Variants in DUSP23 observed in about 807,000 individuals in gnomAD.
The protein encoded by DUSP23 is dual specificity phosphatase 23.
In DUSP23, 10 loss-of-function variants were observed where a neutral mutation model predicts 13.3. That is an observed-to-expected ratio of 0.75 (90% CI 0.46 to 1.27). DUSP23 has a LOEUF of 1.27. Ranked by LOEUF, DUSP23 falls within the 50% of genes most tolerant of loss-of-function variation. The pLI is 0.00. For missense variants in DUSP23, 228 were observed against 204.8 expected (o/e 1.11, Z -0.69); for synonymous variants, 107 against 95.3 (o/e 1.12, Z -0.72).
rs1661845598 is a variant in DUSP23 at position 159,781,015 on chromosome 1, T to A, written c.-86T>A. ...CCAGGTAGGTGGTGAGTTACTTGGCTCGGAGCGGGCGAGGGGACGCGTGGG... is the reference window on the plus strand; with the variant it reads ...CCAGGTAGGTGGTGAGTTACTTGGCACGGAGCGGGCGAGGGGACGCGTGGG... On this transcript the variant is annotated 5_prime_UTR_variant, in exon 1 of 2. Transcript: ENST00000368107. 7.0e-7 allele frequency: 1 copy of A among 1,438,328 alleles called. No individual in the cohort carries two copies. Among genetic ancestry groups the A allele is most frequent in the African/African-American group, 1.5e-5 (1 of 68,034 alleles). The allele number at this position is 1,438,328 out of a possible 1,614,324, so 89.1% of individuals were successfully genotyped here.
At position 159,782,127 on chromosome 1, in the gene DUSP23, G is replaced by A. The variant is rs772476307; in HGVS notation, c.268-26G>A. On this transcript the variant is annotated intron_variant, in intron 1 of 1. Transcript: ENST00000368107. ...CAGTTGTGGGTGGGGGAGTTGAGTG[G>A]CACCCATCGAGCCCCCTCTTCGTAG... 3 of 1,610,012 alleles carry A rather than the reference G, an allele frequency of 1.9e-6. No individual in the cohort carries two copies. In the South Asian group the frequency reaches 3.3e-5, roughly 18 times the overall value.
At position 159,781,063 on chromosome 1, in the gene DUSP23, G is replaced by A; in HGVS notation, c.-38G>A. 1 of 1,511,464 alleles carries A rather than the reference G, an allele frequency of 6.6e-7. No homozygotes were observed. 93.6% of individuals were successfully genotyped at this position (1,511,464 alleles called of 1,614,324 possible). A position where few individuals can be genotyped will look rare whatever the true frequency, so the allele number is the denominator to read the frequency against. On this transcript the variant is annotated 5_prime_UTR_variant, in exon 1 of 2. Coordinates refer to ENST00000368107, the MANE Select transcript of DUSP23 (RefSeq NM_001319658.2). ...GGGCGGAGCGGGGCTGGCCAGCCTC[G>A]GCCCCCATGACCCGCTGTCCTGTGC...
Position 159,782,160 on chromosome 1 carries a change from G to A in DUSP23, c.275G>A (p.Gly92Glu), listed in dbSNP as rs998327504. ...CGAGCCCCCTCTTCGTAGGCTGTGG[G>A]AGTGCACTGTGCTCTGGGCTTTGGC... is the stretch of plus-strand genomic sequence containing the variant. ...DEANARGEAV[G>E]VHCALGFGRT... The change falls in exon 2 of 2, where the codon GGA becomes GAA. Residue 92 changes from glycine to glutamate, a missense_variant. Physicochemically the swap from Gly to Glu is moderately conservative, Grantham distance 98 (BLOSUM62 -2). Coordinates refer to ENST00000368107, the MANE Select transcript of DUSP23 (RefSeq NM_001319658.2). 1 of 1,614,106 alleles carries A rather than the reference G, an allele frequency of 6.2e-7. No homozygotes were observed. The highest frequency in any genetic ancestry group is 1.7e-5 in the Admixed American group (1 of 60,030).
chr1:159,781,314 G>A lies in DUSP23; in HGVS notation c.214G>A (p.Asp72Asn), dbSNP rs148687167. Residue 72 changes from aspartate (D) to asparagine (N), a missense_variant, in exon 1 of 2, where the codon GAC (aspartate) becomes AAC (asparagine). Transcript: ENST00000368107. ...CCCCGACTTCTGCCCGCCGGCCCCC[G>A]ACCAGATCGACCGCTTCGTGCAGAT... ...RIPDFCPPAPDQIDRFVQIVD... is the reference protein window; with the variant it reads ...RIPDFCPPAPNQIDRFVQIVD... The A allele has an allele frequency of 1.0e-3, 1,619 of 1,545,364 alleles. 17 individuals are homozygous for A. In the African/African-American group the frequency reaches 0.018, roughly 17 times the overall value.
At position 159,782,482 on chromosome 1, in the gene DUSP23, A is replaced by G; in HGVS notation, c.*144A>G. 2.1e-6 allele frequency: 2 copies of G among 973,400 alleles called. No individual in the cohort carries two copies. The highest frequency in any genetic ancestry group is 2.4e-4 in the Middle Eastern group (1 of 4,106). The allele number at this position is 973,400 out of a possible 1,614,324, so 60.3% of individuals were successfully genotyped here. ...ACTGAAGTAGCCCACCCCTGCAGGC[A>G]GGTCCTGATTGAAGGGGAGGCTTGT... On this transcript the variant is annotated 3_prime_UTR_variant, in exon 2 of 2. Transcript: ENST00000368107.
chr1:159,781,580 A>G (rs1032387714), intron 1 of DUSP23, among the ~76,000 whole-genome samples: 4 of 152,146 alleles, frequency 2.6e-5, no homozygotes, highest in Non-Finnish European at 5.9e-5. Context: ...GCTTGAGGAG[A>G]GGCAGTGAAA....
chr1:159,781,369 T>G lies in DUSP23; in HGVS notation c.267+2T>G. The G allele has an allele frequency of 6.7e-7, 1 of 1,502,420 alleles. No homozygotes were observed. The highest frequency in any genetic ancestry group is 8.9e-7 in the Non-Finnish European group (1 of 1,121,182). The allele number at this position is 1,502,420 out of a possible 1,614,324, so 93.1% of individuals were successfully genotyped here. ...GACGAGGCCAACGCACGGGGAGAGG[T>G]CAGCGGGCGGGGTCAGCGCAGGGAG... On this transcript the variant is annotated splice_donor_variant, in intron 1 of 1. Coordinates refer to ENST00000368107, the MANE Select transcript of DUSP23 (RefSeq NM_001319658.2). LOFTEE classifies it high-confidence loss of function.
Position 159,781,277 on chromosome 1 carries a change from C to T in DUSP23, c.177C>T (p.His59=), listed in dbSNP as rs1176184616. ...ACAGCTGCCCCGGCCTCACCCTGCA[C>T]CGCCTGCGCATCCCCGACTTCTGCC... ...HSDSCPGLTL[H]RLRIPDFCPP... The change falls in exon 1 of 2, where the codon CAC becomes CAT. Residue 59 remains histidine (H), a synonymous_variant. Transcript: ENST00000368107. The T allele has an allele frequency of 6.5e-7, 1 of 1,547,996 alleles. No homozygotes were observed. The highest frequency in any genetic ancestry group is 2.5e-5 in the East Asian group (1 of 40,806).
Position 159,782,389 on chromosome 1 carries a change from C to A in DUSP23, c.*51C>A. 6.3e-7 allele frequency: 1 copy of A among 1,590,346 alleles called. No individual in the cohort carries two copies. The highest frequency in any genetic ancestry group is 8.6e-7 in the Non-Finnish European group (1 of 1,163,190). Reference sequence around the variant, plus strand: ...CCCTCACTCCCCTTCCCCATGTTGTCGATGGGGCCAGAGATGAAGGGAAGT... The same window carrying A: ...CCCTCACTCCCCTTCCCCATGTTGTAGATGGGGCCAGAGATGAAGGGAAGT... On this transcript the variant is annotated 3_prime_UTR_variant, in exon 2 of 2. Transcript: ENST00000368107.
At chr1:159,782,125 T>C (rs1287886099) in intron 1 of DUSP23, 28 bp from the exon 2 acceptor site, 2 of 1,609,380 alleles carry the variant, frequency 1.2e-6, no homozygotes, top group Non-Finnish European at 1.7e-6. Context: ...GGGAGTTGAG[T>C]GGCACCCATC....
intron 1 of DUSP23, among the ~76,000 whole-genome samples, 192 bp from the exon 2 acceptor site, chr1:159,781,961 A>C (rs747690281): frequency 2.7e-4 from 41 of 152,068 alleles, no homozygotes; most frequent in Non-Finnish European, 4.9e-4. Context: ...GGCTGTGTAG[A>C]GGTGGACAGC....
In DUSP23 at chr1:159,781,104, G is replaced by C; in HGVS notation, c.4G>C (p.Gly2Arg). 1 of 1,543,888 alleles carries C rather than the reference G, an allele frequency of 6.5e-7. No homozygotes were observed. The highest frequency in any genetic ancestry group is 8.7e-7 in the Non-Finnish European group (1 of 1,146,184). Residue 2 changes from glycine (G) to arginine (R), a missense_variant, in exon 1 of 2, where the codon GGC becomes CGC. Gly to Arg is a moderately radical substitution (Grantham distance 125). Coordinates refer to ENST00000368107, the MANE Select transcript of DUSP23 (RefSeq NM_001319658.2). ...TGTCCTGTGCCCTTTCCCAGCGATG[G>C]GCGTGCAGCCCCCCAACTTCTCCTG... Reference protein sequence around the residue: MGVQPPNFSWVL... With the variant: MRVQPPNFSWVL...
chr1:159,781,488 G>A, intron 1 of DUSP23, 121 bp downstream of exon 1: 2 of 1,308,210 alleles, frequency 1.5e-6, no homozygotes, highest in South Asian at 3.2e-5. Context: ...AGACAGTAGG[G>A]CCGGGAGACT....
At chr1:159,781,507 A>G in intron 1 of DUSP23, 140 bp downstream of exon 1, 3 of 1,178,650 alleles carry the variant, frequency 2.5e-6, no homozygotes, top group Non-Finnish European at 3.4e-6. Context: ...CTGGGAAGCC[A>G]GTGCGGGGGA....
chr1:159,782,186 C>T lies in DUSP23; in HGVS notation c.301C>T (p.Arg101Cys), dbSNP rs192795373. ...VGVHCALGFG[R>C]TGTMLACYLV... Reference sequence around the variant, plus strand: ...AGTGCACTGTGCTCTGGGCTTTGGCCGCACTGGCACCATGCTGGCCTGTTA... The same window carrying T: ...AGTGCACTGTGCTCTGGGCTTTGGCTGCACTGGCACCATGCTGGCCTGTTA... The change falls in exon 2 of 2, where the codon CGC becomes TGC. Residue 101 changes from arginine (R) to cysteine (C), a missense_variant. Arg to Cys is a radical substitution (Grantham distance 180). Coordinates refer to ENST00000368107, the MANE Select transcript of DUSP23 (RefSeq NM_001319658.2). 11 of 1,614,178 alleles carry T rather than the reference C, an allele frequency of 6.8e-6. No individual in the cohort carries two copies. In the African/African-American group the frequency reaches 9.3e-5, roughly 14 times the overall value.
At chr1:159,781,401 G>T (rs1222200157) in intron 1 of DUSP23, 34 bp downstream of exon 1, 39 of 1,460,882 alleles carry the variant, frequency 2.7e-5, no homozygotes, top group Non-Finnish European at 3.5e-5. Context: ...GGAGGGAGGG[G>T]CCTGGAAGGT....
Position 159,781,034 on chromosome 1 carries a change from G to C in DUSP23, c.-67G>C. ...CTTGGCTCGGAGCGGGCGAGGGGAC[G>C]CGTGGGCGGAGCGGGGCTGGCCAGC... On this transcript the variant is annotated 5_prime_UTR_variant, in exon 1 of 2. Transcript: ENST00000368107. The C allele has an allele frequency of 6.8e-7, 1 of 1,465,822 alleles. No homozygotes were observed. Among genetic ancestry groups the C allele is most frequent in the South Asian group, 1.3e-5 (1 of 75,530 alleles). The allele number at this position is 1,465,822 out of a possible 1,614,324, so 90.8% of individuals were successfully genotyped here.
In DUSP23 at chr1:159,781,058, G is replaced by A. The variant is rs760015426; in HGVS notation, c.-43G>A. On this transcript the variant is annotated 5_prime_UTR_variant, in exon 1 of 2. Coordinates refer to ENST00000368107, the MANE Select transcript of DUSP23 (RefSeq NM_001319658.2). ...CGCGTGGGCGGAGCGGGGCTGGCCA[G>A]CCTCGGCCCCCATGACCCGCTGTCC... is the stretch of plus-strand genomic sequence containing the variant. The A allele has an allele frequency of 2.0e-6, 3 of 1,508,226 alleles. No individual in the cohort carries two copies. The highest frequency in any genetic ancestry group is 2.5e-5 in the South Asian group (2 of 79,940). The allele number at this position is 1,508,226 out of a possible 1,614,324, so 93.4% of individuals were successfully genotyped here.
rs780115677 is a variant in DUSP23, at chr1:159,781,354, A to G, written c.254A>G (p.Asn85Ser). 2.2e-5 allele frequency: 33 copies of G among 1,523,834 alleles called. No homozygotes were observed. Among genetic ancestry groups the G allele is most frequent in the African/African-American group, 4.2e-5 (3 of 71,766 alleles). The allele number at this position is 1,523,834 out of a possible 1,614,324, so 94.4% of individuals were successfully genotyped here. Residue 85 changes from asparagine to serine, a missense_variant, in exon 1 of 2, where the codon AAC (asparagine) becomes AGC (serine). Asn to Ser is a conservative substitution (Grantham distance 46). Transcript: ENST00000368107. ...TTCGTGCAGATCGTGGACGAGGCCA[A>G]CGCACGGGGAGAGGTCAGCGGGCGG... ...DRFVQIVDEA[N>S]ARGEAVGVHC...
Sources: gnomAD v4.1 joint callset for allele counts (sites outside exome capture counted in the v4.1 genomes callset) on GRCh38, gnomAD v4.1.1 for gene constraint, MANE v1.5 for transcripts, NCBI Gene and HGNC (gene_info 2026-07-23, HGNC 2026-07-21) for gene names.